Variants in DIAPH3 observed in about 807,000 individuals in gnomAD.
DIAPH3 encodes diaphanous related formin 3, also known as protein diaphanous homolog 3.
A neutral mutation model predicts 144.3 loss-of-function variants in DIAPH3; 117 were observed. That is an observed-to-expected ratio of 0.81 (90% CI 0.70 to 0.95). DIAPH3 has a LOEUF of 0.95. DIAPH3 is among the 40% of genes least tolerant of loss of function. The pLI, the probability that DIAPH3 is intolerant of heterozygous loss-of-function variation, is 0.00. For missense variants in DIAPH3, 1,421 were observed against 1,412.7 expected (o/e 1.01, Z -0.09); for synonymous variants, 519 against 488.9 (o/e 1.06, Z -0.81).
At chr13:59,868,821 A>G (rs1413141195) in intron 21 of DIAPH3, among the ~76,000 whole-genome samples, 2 of 152,196 alleles carry the variant, frequency 1.3e-5, no homozygotes, top group Non-Finnish European at 2.9e-5. Context: ...ATCATACAGT[A>G]GATAGCCCTT....
At chr13:59,685,392 C>A (rs937907431) in intron 27 of DIAPH3, among the ~76,000 whole-genome samples, 6 of 152,094 alleles carry the variant, frequency 3.9e-5, no homozygotes, top group Non-Finnish European at 7.4e-5. Flanking sequence ...CACTGAAGAC[C>A]TCTTGTTCTT....
intron 1 of DIAPH3, among the ~76,000 whole-genome samples, chr13:60,139,998 T>C (rs993544017): frequency 2.0e-5 from 3 of 152,194 alleles, no homozygotes; most frequent in Non-Finnish European, 4.4e-5. Flanking sequence ...ACCTTTTTCA[T>C]TGTCTGGAGA....
intron 25 of DIAPH3, among the ~76,000 whole-genome samples, chr13:59,782,905 A>G (rs909909677): frequency 1.3e-5 from 2 of 152,170 alleles, no homozygotes; most frequent in African/African-American, 2.4e-5. Context: ...TGTGCAGTGG[A>G]TATGAGTAGG....
intron 27 of DIAPH3, among the ~76,000 whole-genome samples, chr13:59,770,378 T>TA (rs1183765073): frequency 6.6e-6 from 1 of 152,164 alleles, no homozygotes; most frequent in Non-Finnish European, 1.5e-5. Flanking sequence ...GTATTGGGGT[T>TA]ACAGCAGTCA....
chr13:59,851,259 C>T (rs1273385440), intron 22 of DIAPH3, among the ~76,000 whole-genome samples: 1 of 152,068 alleles, frequency 6.6e-6, no homozygotes. Context: ...TATTATGCTC[C>T]CCCTCTCTCC....
intron 4 of DIAPH3, among the ~76,000 whole-genome samples, chr13:60,078,835 G>T (rs1282441785): frequency 6.6e-6 from 1 of 151,932 alleles, no homozygotes; most frequent in Non-Finnish European, 1.5e-5. Context: ...TCAATGGGGT[G>T]AGAGACCTAA....
intron 4 of DIAPH3, among the ~76,000 whole-genome samples, chr13:60,083,172 G>A (rs1040150534): frequency 3.3e-5 from 5 of 151,998 alleles, no homozygotes; most frequent in African/African-American, 1.2e-4. Context: ...AATGGCCAAA[G>A]ATGGGACAAT....
intron 24 of DIAPH3, among the ~76,000 whole-genome samples, chr13:59,812,779 G>A (rs893865620): frequency 4.6e-5 from 7 of 152,098 alleles, no homozygotes; most frequent in African/African-American, 1.2e-4. Context: ...GATCTTCTAG[G>A]CCAAGACAGG....
intron 20 of DIAPH3, among the ~76,000 whole-genome samples, chr13:59,898,733 G>A (rs1178852893): frequency 6.6e-6 from 1 of 152,206 alleles, no homozygotes; most frequent in African/African-American, 2.4e-5. Context: ...TACAGTAAAT[G>A]AGAAGCCGAT....
At chr13:59,673,723 A>G (rs1472266179) in intron 27 of DIAPH3, among the ~76,000 whole-genome samples, 1 of 152,180 alleles carries the variant, frequency 6.6e-6, no homozygotes, top group African/African-American at 2.4e-5. Flanking sequence ...CATGTGGCTG[A>G]TGATTCAACT....
chr13:59,806,387 G>A (rs528292268), intron 25 of DIAPH3, among the ~76,000 whole-genome samples: 1 of 152,000 alleles, frequency 6.6e-6, no homozygotes, highest in Admixed American at 6.5e-5. Context: ...CACCATATTA[G>A]CACATATAGT....
At chr13:60,108,893 G>T (rs1462631706) in intron 3 of DIAPH3, among the ~76,000 whole-genome samples, 1 of 152,058 alleles carries the variant, frequency 6.6e-6, no homozygotes, top group Non-Finnish European at 1.5e-5. Context: ...GTGTGTGTTG[G>T]GGGGAGGTGT....
At chr13:60,001,944 A>G (rs1016496606) in intron 9 of DIAPH3, among the ~76,000 whole-genome samples, 5 of 152,172 alleles carry the variant, frequency 3.3e-5, no homozygotes, top group African/African-American at 1.2e-4. Context: ...GTGATCAGTG[A>G]CACCACATCA....
chr13:60,080,194 T>C (rs2057507378), intron 4 of DIAPH3, among the ~76,000 whole-genome samples: 1 of 152,072 alleles, frequency 6.6e-6, no homozygotes, highest in South Asian at 2.1e-4. Context: ...AAATCATTAA[T>C]GTTGTTACCC....
At chr13:59,712,775 T>C (rs1171491028) in intron 27 of DIAPH3, among the ~76,000 whole-genome samples, 1 of 152,194 alleles carries the variant, frequency 6.6e-6, no homozygotes, top group Non-Finnish European at 1.5e-5. Flanking sequence ...GCAGTCTCCA[T>C]GAAAACAATC....
intron 17 of DIAPH3, among the ~76,000 whole-genome samples, chr13:59,935,242 G>T (rs2048209166): frequency 6.6e-6 from 1 of 152,244 alleles, no homozygotes; most frequent in Admixed American, 6.5e-5. Flanking sequence ...GTGGATTTTA[G>T]TATCTGTTGG....
At chr13:60,102,227 T>C (rs1038983015) in intron 3 of DIAPH3, among the ~76,000 whole-genome samples, 2 of 152,194 alleles carry the variant, frequency 1.3e-5, no homozygotes, top group African/African-American at 4.8e-5. Context: ...CCTCTTCTAT[T>C]TTATTTCACT....
At chr13:60,012,568 C>G (rs1389299773) in intron 7 of DIAPH3, among the ~76,000 whole-genome samples, 2 of 152,232 alleles carry the variant, frequency 1.3e-5, no homozygotes, top group African/African-American at 4.8e-5. Flanking sequence ...TACACAAGAG[C>G]TGGCTCTGTC....
intron 27 of DIAPH3, among the ~76,000 whole-genome samples, chr13:59,668,103 G>A (rs921162234): frequency 3.3e-5 from 5 of 152,144 alleles, no homozygotes; most frequent in African/African-American, 1.2e-4. Flanking sequence ...TCTATATCAG[G>A]TGGGCAACTG....
Sources: gnomAD v4.1 joint callset for allele counts (sites outside exome capture counted in the v4.1 genomes callset) on GRCh38, gnomAD v4.1.1 for gene constraint, MANE v1.5 for transcripts, NCBI Gene and HGNC (gene_info 2026-07-23, HGNC 2026-07-21) for gene names.